The following TUBA3C variants were observed in gnomAD, a reference collection of about 807,000 sequenced individuals.
TUBA3C encodes the protein tubulin alpha-3C chain.
Under a neutral mutation model 33.4 loss-of-function variants are expected in TUBA3C, and 23 were observed. The observed-to-expected ratio is 0.69, with a 90% CI of 0.50 to 0.98. The LOEUF is 0.98. Ranked by LOEUF, TUBA3C falls within the 50% of genes least tolerant of loss-of-function variation. TUBA3C has a pLI of 0.00. For synonymous variants in TUBA3C, 269 were observed against 250.4 expected (o/e 1.07, Z -0.70); for missense variants, 402 against 616.0 (o/e 0.65, Z 3.68).
Position 19,177,011 on chromosome 13 carries a change from G to A in TUBA3C, c.972C>T (p.Val324=), listed in dbSNP as rs774525235. 1.2e-6 allele frequency: 2 copies of A among 1,614,070 alleles called. No homozygotes were observed. Among genetic ancestry groups the A allele is most frequent in the Non-Finnish European group, 8.5e-7 (1 of 1,180,038 alleles). ...CGATGGCCGCGTTGACATCTTTCGG[G>A]ACCACATCCCCCCTGTACAACATGC... ...ACCMLYRGDV[V]PKDVNAAIAT... Residue 324 remains valine (V), a synonymous_variant, in exon 4 of 5, where the codon GTC becomes GTT. Coordinates refer to ENST00000400113, the MANE Select transcript of TUBA3C (RefSeq NM_006001.3). The surrounding 1 kb of genome is among the most constrained non-coding windows in gnomAD (Gnocchi z 5.0).
intron 1 of TUBA3C, among the ~76,000 whole-genome samples, chr13:19,180,553 A>G (rs1075872): frequency 0.054 from 8,137 of 151,918 alleles, 417 homozygotes; most frequent in East Asian, 0.14. Flanking sequence ...CCAGGCTGGA[A>G]TGCAGTGGCA....
At chr13:19,175,123 G>A (rs897655881) in intron 4 of TUBA3C, among the ~76,000 whole-genome samples, 4 of 152,080 alleles carry the variant, frequency 2.6e-5, no homozygotes, top group Admixed American at 6.6e-5. Context: ...GTGGTGGCGG[G>A]CGCCTGTAGT....
rs751625390 is a variant in TUBA3C at position 19,177,339 on chromosome 13, C to T, written c.644G>A (p.Arg215His). The change falls in exon 4 of 5, where the codon CGC becomes CAC. Residue 215 changes from arginine (R) to histidine (H), a missense_variant. Physicochemically the swap from Arg to His is conservative, Grantham distance 29. Transcript: ENST00000400113. The surrounding 1 kb of genome is among the most constrained non-coding windows in gnomAD (Gnocchi z 5.0). ...DNEAIYDICR[R>H]NLDIERPTYT... ...CGTGGGACGCTCGATGTCCAGGTTGCGCCGACATATGTCATAGATGGCTTC... is the reference window on the plus strand; with the variant it reads ...CGTGGGACGCTCGATGTCCAGGTTGTGCCGACATATGTCATAGATGGCTTC... The T allele has an allele frequency of 1.5e-5, 25 of 1,613,954 alleles. No homozygotes were observed. The highest frequency in any genetic ancestry group is 3.3e-5 in the Admixed American group (2 of 59,996).
At position 19,181,770 on chromosome 13, in the gene TUBA3C, G is replaced by T; in HGVS notation, c.-23C>A. The T allele has an allele frequency of 6.2e-7, 1 of 1,601,922 alleles. No homozygotes were observed. The highest frequency in any genetic ancestry group is 8.5e-7 in the Non-Finnish European group (1 of 1,179,512). On this transcript the variant is annotated 5_prime_UTR_variant, in exon 1 of 5. In the 5' UTR this introduces an upstream ATG that the reference lacks. Transcript: ENST00000400113. Reference sequence around the variant, plus strand: ...CATGTTGAGCTCCTCCGCTGCCGCAGCCCAACGCTACTACTTGACCTCAAC... The same window carrying T: ...CATGTTGAGCTCCTCCGCTGCCGCATCCCAACGCTACTACTTGACCTCAAC...
chr13:19,174,988 C>T (rs953392947), intron 4 of TUBA3C, among the ~76,000 whole-genome samples: 5 of 152,250 alleles, frequency 3.3e-5, no homozygotes, highest in African/African-American at 9.6e-5. Context: ...GTGACCCACA[C>T]CTGTAATCCC....
rs1429141692 is a variant in TUBA3C, at chr13:19,181,769, A to G, written c.-22T>C. 6.2e-7 allele frequency: 1 copy of G among 1,601,958 alleles called. No individual in the cohort carries two copies. Among genetic ancestry groups the G allele is most frequent in the East Asian group, 2.2e-5 (1 of 44,844 alleles). ...CCATGTTGAGCTCCTCCGCTGCCGCAGCCCAACGCTACTACTTGACCTCAA... is the reference window on the plus strand; with the variant it reads ...CCATGTTGAGCTCCTCCGCTGCCGCGGCCCAACGCTACTACTTGACCTCAA... On this transcript the variant is annotated 5_prime_UTR_variant, in exon 1 of 5. Transcript: ENST00000400113.
intron 4 of TUBA3C, among the ~76,000 whole-genome samples, chr13:19,174,657 A>C (rs1189695636): frequency 1.3e-5 from 2 of 151,698 alleles, no homozygotes; most frequent in Non-Finnish European, 1.5e-5. Flanking sequence ...GATTTAAAAA[A>C]AGAATGAGTT....
At position 19,178,355 on chromosome 13, in the gene TUBA3C, GGGT is replaced by G; in HGVS notation, c.263_265del (p.His88del). The G allele has an allele frequency of 6.2e-7, 1 of 1,614,160 alleles. No individual in the cohort carries two copies. Among genetic ancestry groups the G allele is most frequent in the Non-Finnish European group, 8.5e-7 (1 of 1,180,044 alleles). Reference sequence around the variant, plus strand: ...TTCCTTCCCGGTGATCAGCTGCTCTGGGTGGAAGAGCTGCCTATAGGTTCCTGT... The same window carrying G: ...TTCCTTCCCGGTGATCAGCTGCTCTGGGAAGAGCTGCCTATAGGTTCCTGT... On this transcript the variant is annotated inframe_deletion, in exon 3 of 5. Coordinates refer to ENST00000400113, the MANE Select transcript of TUBA3C (RefSeq NM_006001.3).
chr13:19,181,604 G>C, intron 1 of TUBA3C, 141 bp downstream of exon 1: 1 of 1,231,552 alleles, frequency 8.1e-7, no homozygotes, highest in Non-Finnish European at 1.2e-6. Flanking sequence ...CTCGTGTCCC[G>C]CCCTGGGCCC....
In TUBA3C at chr13:19,178,386, G is replaced by C. The variant is rs766579930; in HGVS notation, c.235C>G (p.Arg79Gly). Residue 79 changes from arginine (R) to glycine (G), a missense_variant, in exon 3 of 5, where the codon CGC becomes GGC. Coordinates refer to ENST00000400113, the MANE Select transcript of TUBA3C (RefSeq NM_006001.3). Reference sequence around the variant, plus strand: ...AAGAGCTGCCTATAGGTTCCTGTGCGCACTTCATCTACAAAAGAGACCGTA... The same window carrying C: ...AAGAGCTGCCTATAGGTTCCTGTGCCCACTTCATCTACAAAAGAGACCGTA... ...DLEPTVVDEV[R>G]TGTYRQLFHP... 22 of 1,613,716 alleles carry C rather than the reference G, an allele frequency of 1.4e-5. No homozygotes were observed. The highest frequency in any genetic ancestry group is 3.4e-6 in the Non-Finnish European group (4 of 1,179,864).
Position 19,177,458 on chromosome 13 carries a change from G to A in TUBA3C, c.525C>T (p.Pro175=), listed in dbSNP as rs370537577. The stretch of plus-strand genomic sequence containing the variant: ...GCTCCACCACGGCCGTGGAGACCTG[G>A]GGGGCTGGGTAAATGGCAAATTCTA... ...SKLEFAIYPA[P]QVSTAVVEPY... The change falls in exon 4 of 5, where the codon CCC becomes CCT. Residue 175 remains proline, a synonymous_variant. Transcript: ENST00000400113. This position sits in a 1 kb window ranked among gnomAD's most constrained non-coding sequence, Gnocchi z 5.0. 14 of 1,614,018 alleles carry A rather than the reference G, an allele frequency of 8.7e-6. No individual in the cohort carries two copies. Among genetic ancestry groups the A allele is most frequent in the African/African-American group, 1.3e-5 (1 of 74,912 alleles).
rs1488576533 is a variant in TUBA3C, at chr13:19,178,182, C to T, written c.375+64G>A. 1.0e-5 allele frequency: 16 copies of T among 1,593,128 alleles called. No homozygotes were observed. In the East Asian group the frequency reaches 2.9e-4, roughly 29 times the overall value. ...CTAGGTTTTGACAAAATGACCTCCCCTTCACAATCTAAGATCTACCCTCCT... is the reference window on the plus strand; with the variant it reads ...CTAGGTTTTGACAAAATGACCTCCCTTTCACAATCTAAGATCTACCCTCCT... On this transcript the variant is annotated intron_variant, in intron 3 of 4. Transcript: ENST00000400113.
Position 19,173,898 on chromosome 13 carries a change from C to A in TUBA3C, c.1318G>T (p.Val440Leu). Residue 440 changes from valine to leucine, a missense_variant, in exon 5 of 5, where the codon GTG becomes TTG. By Grantham distance (32) the Val-to-Leu change is conservative. Transcript: ENST00000400113. ...KDYEEVGVDS[V>L]EAEAEEGEEY ...TCACCTTCTTCAGCCTCGGCTTCCA[C>A]GGAATCCACGCCCACCTCTTCATAA... The A allele has an allele frequency of 2.5e-6, 4 of 1,614,052 alleles. No individual in the cohort carries two copies. In the South Asian group the frequency reaches 3.3e-5, roughly 13 times the overall value.
rs1350985697 is a variant in TUBA3C, at chr13:19,178,355, G to A, written c.266C>T (p.Pro89Leu). ...RTGTYRQLFH[P>L]EQLITGKEDA... ...TTCCTTCCCGGTGATCAGCTGCTCT[G>A]GGTGGAAGAGCTGCCTATAGGTTCC... is the stretch of plus-strand genomic sequence containing the variant. The change falls in exon 3 of 5, where the codon CCA becomes CTA. Residue 89 changes from proline to leucine, a missense_variant. Physicochemically the swap from Pro to Leu is moderately conservative, Grantham distance 98. Coordinates refer to ENST00000400113, the MANE Select transcript of TUBA3C (RefSeq NM_006001.3). 1.2e-6 allele frequency: 2 copies of A among 1,614,160 alleles called. No homozygotes were observed. Among genetic ancestry groups the A allele is most frequent in the Non-Finnish European group, 1.7e-6 (2 of 1,180,044 alleles).
chr13:19,180,166 G>A (rs925561244), intron 1 of TUBA3C, among the ~76,000 whole-genome samples: 1 of 152,170 alleles, frequency 6.6e-6, no homozygotes, highest in African/African-American at 2.4e-5. Context: ...GAGGCTGGAG[G>A]AGAGTGGCGT....
chr13:19,174,507 G>A (rs973884033), intron 4 of TUBA3C, among the ~76,000 whole-genome samples: 1 of 151,812 alleles, frequency 6.6e-6, no homozygotes, highest in African/African-American at 2.4e-5. Flanking sequence ...TAGAATTCAT[G>A]TGGAAAAGGT....
rs1026086832 is a variant in TUBA3C, at chr13:19,177,375, A to T, written c.608T>A (p.Met203Lys). ...GTCATAGATGGCTTCATTGTCGACC[A>T]TGAAGGCACAGTCAGAATGTTCCAG... ...TTLEHSDCAF[M>K]VDNEAIYDIC... Residue 203 changes from methionine (M) to lysine (K), a missense_variant, in exon 4 of 5, where the codon ATG becomes AAG. Coordinates refer to ENST00000400113, the MANE Select transcript of TUBA3C (RefSeq NM_006001.3). This position sits in a 1 kb window ranked among gnomAD's most constrained non-coding sequence, Gnocchi z 5.0. 3.7e-6 allele frequency: 6 copies of T among 1,614,194 alleles called. No individual in the cohort carries two copies. The highest frequency in any genetic ancestry group is 4.2e-6 in the Non-Finnish European group (5 of 1,180,040).
intron 4 of TUBA3C, 90 bp from the exon 5 acceptor site, chr13:19,174,249 G>A (rs1324519604): frequency 1.3e-6 from 2 of 1,486,976 alleles, no homozygotes; most frequent in Non-Finnish European, 1.8e-6. Flanking sequence ...ACACCCTGTA[G>A]GTGAACAGGA....
intron 4 of TUBA3C, among the ~76,000 whole-genome samples, chr13:19,175,829 C>T (rs961592243): frequency 6.6e-6 from 1 of 152,142 alleles, no homozygotes; most frequent in African/African-American, 2.4e-5. Flanking sequence ...CTGCAACCTC[C>T]ACCTCCTGGG....
Sources: allele counts gnomAD v4.1 joint callset (sites outside exome capture counted in the v4.1 genomes callset), GRCh38; gene constraint gnomAD v4.1.1; non-coding constraint Gnocchi (gnomAD v3.1); transcripts MANE v1.5; gene names NCBI Gene and HGNC (gene_info 2026-07-23, HGNC 2026-07-21).